The following PTPRN2 variants were observed in gnomAD, a reference collection of about 807,000 sequenced individuals.
The protein encoded by PTPRN2 is protein tyrosine phosphatase receptor type N2, also known as receptor-type tyrosine-protein phosphatase N2.
Under a neutral mutation model 118.8 loss-of-function variants are expected in PTPRN2, and 74 were observed. The observed-to-expected ratio is 0.62, with a 90% confidence interval of 0.52 to 0.76. The LOEUF (loss-of-function observed/expected upper bound fraction) is 0.76. PTPRN2 is among the 30% of genes least tolerant of loss of function. The pLI is 0.00. For synonymous variants in PTPRN2, 641 were observed against 608.0 expected (o/e 1.05, Z -0.80); for missense variants, 1,481 against 1,394.4 (o/e 1.06, Z -0.99).
intron 11 of PTPRN2, among the ~76,000 whole-genome samples, chr7:157,967,575 G>T (rs1340896617): frequency 6.6e-6 from 1 of 152,162 alleles, no homozygotes; most frequent in African/African-American, 2.4e-5. Context: ...GGCTGAGAGG[G>T]CTGTGTGTCC....
intron 11 of PTPRN2, among the ~76,000 whole-genome samples, chr7:157,932,954 C>T (rs1197825305): frequency 6.8e-6 from 1 of 146,616 alleles, no homozygotes; most frequent in Non-Finnish European, 1.5e-5. Flanking sequence ...AGGGGTGAGT[C>T]ACTCATTGAC....
chr7:158,381,111 A>G (rs1240286142), intron 2 of PTPRN2, among the ~76,000 whole-genome samples: 1 of 152,256 alleles, frequency 6.6e-6, no homozygotes, highest in Non-Finnish European at 1.5e-5. Context: ...AAGACCTCTG[A>G]CATGCCCTGG....
At position 157,598,463 on chromosome 7, in the gene PTPRN2, T is replaced by C. The variant is rs1801477210; in HGVS notation, c.2419-3148A>G. On this transcript the variant is annotated intron_variant, in intron 16 of 22. Transcript: ENST00000389418. This position sits in a 1 kb window ranked among gnomAD's most constrained non-coding sequence, Gnocchi z 5.2. The stretch of plus-strand genomic sequence containing the variant: ...GGCCTCAGTCTCCATATCTGTATGG[T>C]GGGTGAGCTCAGGGAGTGAGGAGCT... Among the ~76,000 whole-genome samples, 1 of 150,870 alleles carries C rather than the reference T, an allele frequency of 6.6e-6. No individual in the cohort carries two copies. The highest frequency in any genetic ancestry group is 2.5e-5 in the African/African-American group (1 of 40,556).
intron 12 of PTPRN2, among the ~76,000 whole-genome samples, chr7:157,712,717 C>T (rs577255016): frequency 6.9e-6 from 1 of 144,354 alleles, no homozygotes; most frequent in African/African-American, 2.6e-5. Flanking sequence ...CGCCATTGCA[C>T]TCCAGCCTGG....
At chr7:157,661,854 T>C (rs1795908144) in intron 13 of PTPRN2, among the ~76,000 whole-genome samples, 1 of 152,186 alleles carries the variant, frequency 6.6e-6, no homozygotes. Context: ...CGCAGGCTTT[T>C]CTGAAGGCTC....
chr7:158,566,262 G>C (rs1324696344), intron 1 of PTPRN2, among the ~76,000 whole-genome samples: 1 of 151,952 alleles, frequency 6.6e-6, no homozygotes, highest in Non-Finnish European at 1.5e-5. Flanking sequence ...ACTGAGGCAG[G>C]AGAATTGCTT....
At chr7:157,921,098 A>C (rs948130513) in intron 11 of PTPRN2, among the ~76,000 whole-genome samples, 2 of 152,210 alleles carry the variant, frequency 1.3e-5, no homozygotes, top group African/African-American at 4.8e-5. Context: ...CAGTAGATGA[A>C]TGGATCAACC....
At chr7:158,250,327 C>A (rs1796574918) in intron 3 of PTPRN2, among the ~76,000 whole-genome samples, 1 of 152,036 alleles carries the variant, frequency 6.6e-6, no homozygotes, top group Non-Finnish European at 1.5e-5. Context: ...TTTTCAGATT[C>A]TTTCTAATGC....
chr7:158,352,575 G>A (rs1808086580), intron 2 of PTPRN2, among the ~76,000 whole-genome samples: 1 of 152,214 alleles, frequency 6.6e-6, no homozygotes, highest in Non-Finnish European at 1.5e-5. Context: ...CCCCCTGAAG[G>A]TGAGGTCAGG....
At chr7:158,260,623 G>C (rs2150923435) in intron 3 of PTPRN2, among the ~76,000 whole-genome samples, 1 of 152,284 alleles carries the variant, frequency 6.6e-6, no homozygotes, top group East Asian at 1.9e-4. Context: ...TTCTAATGCT[G>C]ATAGTAAGGT....
intron 11 of PTPRN2, among the ~76,000 whole-genome samples, chr7:158,008,023 CTG>C (rs569486312): frequency 3.1e-3 from 406 of 129,562 alleles, no homozygotes; most frequent in African/African-American, 0.012. Flanking sequence ...AGTGTGTGTG[CTG>C]TGTGTGGGGG....
rs571086966 is a variant in PTPRN2, at chr7:158,442,232, TTC to T, written c.163+47501_163+47502del. Among the ~76,000 whole-genome samples the T allele has an allele frequency of 1.0e-3, 152 of 152,118 alleles. 1 individual carries two copies. The highest frequency in any genetic ancestry group is 3.5e-3 in the African/African-American group (147 of 41,446). ...GGTGATGGTGGCAGCAAGGAAATCA[TTC>T]TCTGATTACCTGACATGGTTAAAAA... is the stretch of plus-strand genomic sequence containing the variant. On this transcript the variant is annotated intron_variant, in intron 2 of 22. Transcript: ENST00000389418.
chr7:158,203,600 C>CT (rs1270194985), intron 4 of PTPRN2, among the ~76,000 whole-genome samples: 3 of 151,536 alleles, frequency 2.0e-5, no homozygotes, highest in Non-Finnish European at 3.0e-5. Context: ...TTCTGCACCC[C>CT]CCCAGAGTGA....
chr7:158,428,978 G>A (rs147570659), intron 2 of PTPRN2, among the ~76,000 whole-genome samples: 4 of 152,334 alleles, frequency 2.6e-5, no homozygotes, highest in Middle Eastern at 3.4e-3. Context: ...ACGAGTTCCA[G>A]CTGAGCCAGC....
At chr7:158,508,575 C>T (rs1038961264) in intron 1 of PTPRN2, among the ~76,000 whole-genome samples, 1 of 151,722 alleles carries the variant, frequency 6.6e-6, no homozygotes, top group East Asian at 1.9e-4. Flanking sequence ...GGAGCAGGTG[C>T]GGAAGTGGCT....
At chr7:157,860,389 G>C (rs1487525491) in intron 12 of PTPRN2, among the ~76,000 whole-genome samples, 1 of 152,200 alleles carries the variant, frequency 6.6e-6, no homozygotes. Context: ...TCCAGGAGCT[G>C]GGCCACTTTT....
At chr7:157,962,677 C>T (rs556300143) in intron 11 of PTPRN2, among the ~76,000 whole-genome samples, 28 of 152,246 alleles carry the variant, frequency 1.8e-4, no homozygotes, top group Non-Finnish European at 2.5e-4. Context: ...TGGAAGAGTC[C>T]GGTGGGAAGG....
At chr7:158,100,476 C>T (rs1045161383) in intron 10 of PTPRN2, among the ~76,000 whole-genome samples, 4 of 152,202 alleles carry the variant, frequency 2.6e-5, no homozygotes, top group African/African-American at 9.7e-5. Context: ...GGAATCTCCA[C>T]ACTGTTTTCC....
At chr7:158,077,743 A>G (rs1286237889) in intron 11 of PTPRN2, among the ~76,000 whole-genome samples, 1 of 152,212 alleles carries the variant, frequency 6.6e-6, no homozygotes, top group African/African-American at 2.4e-5. Context: ...GTCTCTGCAG[A>G]CTGGGAGCCA....
Sources: gnomAD v4.1 joint callset for allele counts (sites outside exome capture counted in the v4.1 genomes callset) on GRCh38, gnomAD v4.1.1 for gene constraint, Gnocchi (gnomAD v3.1) non-coding constraint, MANE v1.5 for transcripts, NCBI Gene and HGNC (gene_info 2026-07-23, HGNC 2026-07-21) for gene names.